The following SLC16A2 variants were observed in gnomAD, a reference collection of about 807,000 sequenced individuals.
SLC16A2 encodes the protein solute carrier family 16 member 2.
SLC16A2 carries 3 observed loss-of-function variants against 27.2 expected under a neutral mutation model. That is an observed-to-expected ratio of 0.11 (90% CI 0.05 to 0.28). The LOEUF (loss-of-function observed/expected upper bound fraction) is 0.28. SLC16A2 is among the 10% of genes least tolerant of loss of function. The pLI is 1.00. For missense variants in SLC16A2, 295 were observed against 458.5 expected (o/e 0.64, Z 3.26); for synonymous variants, 202 against 187.8 (o/e 1.08, Z -0.62).
At chrX:74,504,729 G>A (rs973849664) in intron 1 of SLC16A2, among the ~76,000 whole-genome samples, 1 of 112,555 alleles carries the variant, frequency 8.9e-6, no homozygotes. Context: ...AATGGCTCAC[G>A]CCTGCAGTCC....
Position 74,524,665 on chromosome X carries a change from A to G in SLC16A2, c.882A>G (p.Arg294=). Residue 294 remains arginine (R), a synonymous_variant, in exon 3 of 6, where the codon AGA becomes AGG. Coordinates refer to ENST00000587091, the MANE Select transcript of SLC16A2 (RefSeq NM_006517.5). ...GCTCCCAGGACACCCCAAGCAAGAG[A>G]GGTGTCCGCACCCTGCACCAGCGCT... ...LPSSQDTPSK[R]GVRTLHQRFL... is the part of the protein sequence containing the mutation. The G allele has an allele frequency of 8.3e-7, 1 of 1,211,662 alleles. No individual in the cohort carries two copies. The highest frequency in any genetic ancestry group is 1.1e-6 in the Non-Finnish European group (1 of 895,495).
chrX:74,456,448 G>A (rs1434363086), intron 1 of SLC16A2, among the ~76,000 whole-genome samples: 1 of 111,366 alleles, frequency 9.0e-6, no homozygotes, highest in Non-Finnish European at 1.9e-5. Context: ...ATGGGATGCT[G>A]CTACAGACAC....
At chrX:74,471,437 C>G (rs1929354242) in intron 1 of SLC16A2, among the ~76,000 whole-genome samples, 1 of 111,823 alleles carries the variant, frequency 8.9e-6, no homozygotes, top group African/African-American at 3.2e-5. Context: ...CTTCCAAGCT[C>G]TTTACATGCC....
chrX:74,450,151 T>G (rs973173152), intron 1 of SLC16A2, among the ~76,000 whole-genome samples: 1 of 112,474 alleles, frequency 8.9e-6, no homozygotes, highest in Non-Finnish European at 1.9e-5. Flanking sequence ...CCAACCAAAT[T>G]GCTTTCCCTA....
intron 1 of SLC16A2, among the ~76,000 whole-genome samples, chrX:74,439,060 G>A (rs1454789650): frequency 1.8e-5 from 2 of 111,203 alleles, no homozygotes; most frequent in Admixed American, 9.5e-5. Context: ...ATTGGGCAGC[G>A]TGCCTAATGA....
chrX:74,447,331 G>A (rs1332759174), intron 1 of SLC16A2, among the ~76,000 whole-genome samples: 1 of 111,687 alleles, frequency 9.0e-6, no homozygotes, highest in Admixed American at 9.5e-5. Flanking sequence ...CTCCCTGTGT[G>A]AAAAAAGTAC....
intron 1 of SLC16A2, among the ~76,000 whole-genome samples, chrX:74,516,836 A>G (rs1167233621): frequency 1.8e-5 from 2 of 112,073 alleles, no homozygotes; most frequent in Non-Finnish European, 3.8e-5. Context: ...GGCAGAGTGG[A>G]TAGAAAAAAA....
chrX:74,529,323 C>T lies in SLC16A2; in HGVS notation c.1281C>T (p.Phe427=). Residue 427 remains phenylalanine (F), a synonymous_variant, in exon 5 of 6, where the codon TTC becomes TTT. Coordinates refer to ENST00000587091, the MANE Select transcript of SLC16A2 (RefSeq NM_006517.5). ...CLFLGLCDGF[F]ITIMAPIAFE... ...TCCTGGGCCTTTGCGATGGCTTCTT[C>T]ATCACCATCATGGCCCCCATTGCAT... The T allele has an allele frequency of 8.3e-7, 1 of 1,209,387 alleles. No individual in the cohort carries two copies. Among genetic ancestry groups the T allele is most frequent in the South Asian group, 1.8e-5 (1 of 56,505 alleles).
chrX:74,435,541 A>ATATATGCATATATATATATG lies in SLC16A2; in HGVS notation c.430+13479_430+13480insGCATATATATATATGTATAT, dbSNP rs779318155. Reference sequence around the variant, plus strand: ...TATATATATGCATATATATATGTATATATATATATATATTTTTTTTTTTTT... The same window carrying ATATATGCATATATATATATG: ...TATATATATGCATATATATATGTATATATATGCATATATATATATGTATATATATATATTTTTTTTTTTTT... On this transcript the variant is annotated intron_variant, in intron 1 of 5. Transcript: ENST00000587091. Among the ~76,000 whole-genome samples, 2,723 of 78,257 alleles carry ATATATGCATATATATATATG rather than the reference A, an allele frequency of 0.035. 505 individuals are homozygous for ATATATGCATATATATATATG. In the East Asian group the frequency reaches 0.72, roughly 21 times the overall value. The allele number at this position is 78,257 out of a possible 115,157, so 68.0% of individuals were successfully genotyped here.
chrX:74,430,630 C>T (rs1038064756), intron 1 of SLC16A2, among the ~76,000 whole-genome samples: 3 of 112,036 alleles, frequency 2.7e-5, no homozygotes, highest in Non-Finnish European at 5.6e-5. Flanking sequence ...GTCAGAATGG[C>T]TATTATTAAA....
rs763957641 is a variant in SLC16A2, at chrX:74,514,073, A to T, written c.431-6917A>T. ...CTATACTTCCAATGCAGTACAGCTA[A>T]AAATGCTGGACATTATATCTAAAAC... On this transcript the variant is annotated intron_variant, in intron 1 of 5. Coordinates refer to ENST00000587091, the MANE Select transcript of SLC16A2 (RefSeq NM_006517.5). 2.1e-4 allele frequency among the ~76,000 whole-genome samples: 24 copies of T among 112,019 alleles called. 1 individual carries two copies. The South Asian group carries it at 8.9e-3, about 42-fold the overall frequency.
rs1194565299 is a variant in SLC16A2 at position 74,507,458 on chromosome X, G to T, written c.431-13532G>T. Among the ~76,000 whole-genome samples the T allele has an allele frequency of 8.0e-5, 9 of 111,966 alleles. No homozygotes were observed. In the Admixed American group the frequency reaches 8.6e-4, roughly 11 times the overall value. ...ATTAGTTCAGTCACTGTGGAAAGCAGTTTGCAGATTTCTCAAAGAATGTAA... is the reference window on the plus strand; with the variant it reads ...ATTAGTTCAGTCACTGTGGAAAGCATTTTGCAGATTTCTCAAAGAATGTAA... On this transcript the variant is annotated intron_variant, in intron 1 of 5. Transcript: ENST00000587091.
chrX:74,453,338 G>A (rs991685971), intron 1 of SLC16A2, among the ~76,000 whole-genome samples: 2 of 110,847 alleles, frequency 1.8e-5, no homozygotes, highest in African/African-American at 6.6e-5. Context: ...CCTGGCAGCA[G>A]GTTGCTTTTT....
intron 1 of SLC16A2, among the ~76,000 whole-genome samples, chrX:74,429,116 G>C (rs1355538159): frequency 9.0e-6 from 1 of 110,839 alleles, no homozygotes; most frequent in African/African-American, 3.3e-5. Context: ...CCAGGAGGTT[G>C]AGGCTACAGT....
At chrX:74,445,891 AAGG>A (rs1928829950) in intron 1 of SLC16A2, among the ~76,000 whole-genome samples, 1 of 110,020 alleles carries the variant, frequency 9.1e-6, no homozygotes, top group Non-Finnish European at 1.9e-5. Flanking sequence ...CCTTATTTGC[AAGG>A]CTGCTTTAAA....
intron 1 of SLC16A2, among the ~76,000 whole-genome samples, chrX:74,446,623 A>G (rs755946260): frequency 1.1e-5 from 1 of 93,007 alleles, no homozygotes; most frequent in African/African-American, 4.2e-5. Flanking sequence ...CTGTTTCAAA[A>G]CAAACAAACA....
chrX:74,493,969 C>T (rs1200347121), intron 1 of SLC16A2, among the ~76,000 whole-genome samples: 1 of 111,725 alleles, frequency 9.0e-6, no homozygotes, highest in Admixed American at 9.5e-5. Flanking sequence ...CCCTCCCTCT[C>T]CCCTTTCTTC....
At chrX:74,502,739 C>T (rs987461797) in intron 1 of SLC16A2, among the ~76,000 whole-genome samples, 1 of 111,969 alleles carries the variant, frequency 8.9e-6, no homozygotes, top group Non-Finnish European at 1.9e-5. Context: ...TAACCTCCTT[C>T]TCCTGCTCTT....
intron 1 of SLC16A2, among the ~76,000 whole-genome samples, chrX:74,435,106 A>T (rs1419965809): frequency 9.1e-6 from 1 of 110,320 alleles, no homozygotes; most frequent in African/African-American, 3.3e-5. Context: ...CTGGAATTAC[A>T]GGTGTGAGCC....
Sources: gnomAD v4.1 joint callset for allele counts (sites outside exome capture counted in the v4.1 genomes callset) on GRCh38, gnomAD v4.1.1 for gene constraint, MANE v1.5 for transcripts, NCBI Gene and HGNC (gene_info 2026-07-23, HGNC 2026-07-21) for gene names.